The following CTDSPL variants were observed in gnomAD, a reference collection of about 807,000 sequenced individuals.
CTDSPL encodes the protein CTD small phosphatase-like protein.
A neutral mutation model predicts 30.5 loss-of-function variants in CTDSPL; 8 were observed. The observed-to-expected ratio is 0.26, with a 90% CI of 0.15 to 0.47. The LOEUF (loss-of-function observed/expected upper bound fraction) is 0.47. Ranked by LOEUF, CTDSPL falls within the 20% of genes least tolerant of loss-of-function variation. The pLI, the probability that CTDSPL is intolerant of heterozygous loss-of-function variation, is 0.99. For missense variants in CTDSPL, 248 were observed against 366.1 expected, an observed-to-expected ratio of 0.68 and a Z score of 2.63; for synonymous variants, 110 against 137.9, an observed-to-expected ratio of 0.80 and a Z score of 1.42.
At chr3:37,979,805 A>G (rs1371846140) in intron 7 of CTDSPL, among the ~76,000 whole-genome samples, 2 of 152,178 alleles carry the variant, frequency 1.3e-5, no homozygotes, top group Non-Finnish European at 2.9e-5. Context: ...TGGTTGTGTC[A>G]CCAATTTTAT....
intron 1 of CTDSPL, among the ~76,000 whole-genome samples, chr3:37,907,506 T>C (rs1479508243): frequency 2.0e-5 from 3 of 152,202 alleles, no homozygotes; most frequent in African/African-American, 4.8e-5. Context: ...TTCACCCATA[T>C]GCATATAGAG....
chr3:37,900,439 A>G (rs1188090007), intron 1 of CTDSPL, among the ~76,000 whole-genome samples: 1 of 152,228 alleles, frequency 6.6e-6, no homozygotes, highest in Non-Finnish European at 1.5e-5. Flanking sequence ...TTGACAGTGA[A>G]GAAAATGTTT....
In CTDSPL at chr3:37,862,265, C is replaced by A. The variant is rs776044279; in HGVS notation, c.66C>A (p.Gly22=). ...AGGAGGACGAGGGCCGGTTGCCGGG[C>A]GCGGGCGAGAAAGGTGAGGAGGGGC... ...NPKEDEGRLP[G]AGEKASQCNV... is the part of the protein sequence containing the mutation. Residue 22 remains glycine, a synonymous_variant, in exon 1 of 8, where the codon GGC becomes GGA. Transcript: ENST00000273179. This position sits in a 1 kb window ranked among gnomAD's most constrained non-coding sequence, Gnocchi z 4.3. The A allele has an allele frequency of 1.3e-6, 2 of 1,495,024 alleles. No individual in the cohort carries two copies. Among genetic ancestry groups the A allele is most frequent in the Non-Finnish European group, 8.9e-7 (1 of 1,125,568 alleles). 92.6% of individuals were successfully genotyped at this position (1,495,024 alleles called of 1,614,324 possible).
At chr3:37,907,667 G>A (rs1191273043) in intron 1 of CTDSPL, among the ~76,000 whole-genome samples, 2 of 152,134 alleles carry the variant, frequency 1.3e-5, no homozygotes, top group African/African-American at 2.4e-5. Flanking sequence ...TCAGTGTGGG[G>A]GAATGTTAAG....
intron 1 of CTDSPL, among the ~76,000 whole-genome samples, chr3:37,914,873 C>CTTT (rs11304152): frequency 0.052 from 2,645 of 51,230 alleles, 462 homozygotes; most frequent in African/African-American, 0.17. Flanking sequence ...TATATATGTT[C>CTTT]TTTTTTTTTT....
rs781476898 is a variant in CTDSPL, at chr3:37,983,504, C to G, written c.*2637C>G. 1 of 152,590 alleles carries G rather than the reference C, an allele frequency of 6.6e-6. No homozygotes were observed. Among genetic ancestry groups the G allele is most frequent in the South Asian group, 2.1e-4 (1 of 4,826 alleles). The allele number at this position is 152,590 out of a possible 1,614,324, so 9.5% of individuals were successfully genotyped here. On this transcript the variant is annotated 3_prime_UTR_variant, in exon 8 of 8. Transcript: ENST00000273179. ...AGCCACTTCTCTGTGCCATATACTT[C>G]CCATGTTACCAAAATACCCCCAACT...
chr3:37,946,204 G>A (rs1559640968), intron 1 of CTDSPL, among the ~76,000 whole-genome samples: 2 of 152,234 alleles, frequency 1.3e-5, no homozygotes, highest in East Asian at 3.8e-4. Context: ...CCCCTGAGGG[G>A]TGTTTTTCAT....
Position 37,975,493 on chromosome 3 carries a change from G to A in CTDSPL, c.520-216G>A, listed in dbSNP as rs1031322184. The stretch of plus-strand genomic sequence containing the variant: ...TGCAAATGGAGTCAGGCTATCTTTG[G>A]AGATGAAACTGACAATTCCTGATGG... On this transcript the variant is annotated intron_variant, in intron 6 of 7. Transcript: ENST00000273179. This position sits in a 1 kb window ranked among gnomAD's most constrained non-coding sequence, Gnocchi z 4.9. Among the ~76,000 whole-genome samples the A allele has an allele frequency of 6.6e-6, 1 of 152,218 alleles. No homozygotes were observed. The highest frequency in any genetic ancestry group is 2.4e-5 in the African/African-American group (1 of 41,446).
intron 2 of CTDSPL, among the ~76,000 whole-genome samples, chr3:37,956,889 G>A (rs1441790053): frequency 6.6e-6 from 1 of 152,188 alleles, no homozygotes; most frequent in Non-Finnish European, 1.5e-5. Context: ...AGTCTCAGGA[G>A]CCCAGCCTGG....
chr3:37,962,573 G>C (rs1699255704), intron 3 of CTDSPL, among the ~76,000 whole-genome samples: 1 of 152,206 alleles, frequency 6.6e-6, no homozygotes, highest in Non-Finnish European at 1.5e-5. Flanking sequence ...ACTGTGCTAA[G>C]AAAGTAATCT....
chr3:37,960,591 T>A (rs1699234315), intron 3 of CTDSPL, among the ~76,000 whole-genome samples: 1 of 113,304 alleles, frequency 8.8e-6, no homozygotes, highest in African/African-American at 3.5e-5. Context: ...TAGCTGGGTG[T>A]GGTGGTGCAT....
chr3:37,895,401 T>C (rs896012763), intron 1 of CTDSPL, among the ~76,000 whole-genome samples: 1 of 152,154 alleles, frequency 6.6e-6, no homozygotes, highest in Non-Finnish European at 1.5e-5. Context: ...TACATAGAAT[T>C]TGGGGCTCTC....
intron 1 of CTDSPL, among the ~76,000 whole-genome samples, chr3:37,938,591 GTCT>G (rs1301859814): frequency 6.7e-6 from 1 of 149,804 alleles, no homozygotes; most frequent in Admixed American, 6.7e-5. Context: ...CTTTAGACCA[GTCT>G]TCTTGGGCCA....
chr3:37,969,705 C>T (rs1036991964), intron 5 of CTDSPL, among the ~76,000 whole-genome samples: 5 of 152,230 alleles, frequency 3.3e-5, no homozygotes, highest in African/African-American at 1.2e-4. Context: ...GCCCTGCCCT[C>T]AGCCCTACCC....
intron 1 of CTDSPL, among the ~76,000 whole-genome samples, chr3:37,873,194 C>T (rs1239199971): frequency 6.6e-6 from 1 of 152,176 alleles, no homozygotes; most frequent in Non-Finnish European, 1.5e-5. Flanking sequence ...TCATTACACC[C>T]TATGAGGGTG....
intron 1 of CTDSPL, among the ~76,000 whole-genome samples, chr3:37,896,530 T>C (rs1381761478): frequency 1.3e-5 from 2 of 152,106 alleles, no homozygotes; most frequent in African/African-American, 4.8e-5. Flanking sequence ...AACATTGTGT[T>C]ATTTTGTTAT....
At chr3:37,868,873 T>C (rs2125587408) in intron 1 of CTDSPL, among the ~76,000 whole-genome samples, 1 of 152,224 alleles carries the variant, frequency 6.6e-6, no homozygotes, top group East Asian at 1.9e-4. Context: ...TTCAAAATTG[T>C]TTTAGCTGTT....
intron 1 of CTDSPL, among the ~76,000 whole-genome samples, chr3:37,898,763 A>G (rs1029040754): frequency 2.0e-5 from 3 of 152,176 alleles, no homozygotes; most frequent in African/African-American, 7.2e-5. Flanking sequence ...TCACAAGTGA[A>G]CCAAAAAATT....
At chr3:37,937,330 C>T (rs914372191) in intron 1 of CTDSPL, among the ~76,000 whole-genome samples, 1 of 150,242 alleles carries the variant, frequency 6.7e-6, no homozygotes, top group African/African-American at 2.4e-5. Context: ...GTCTGAGTCC[C>T]AGGGACAGAT....
Sources: allele counts gnomAD v4.1 joint callset (sites outside exome capture counted in the v4.1 genomes callset), GRCh38; gene constraint gnomAD v4.1.1; non-coding constraint Gnocchi (gnomAD v3.1); transcripts MANE v1.5; gene names NCBI Gene and HGNC (gene_info 2026-07-23, HGNC 2026-07-21).